FAAH2: variants seen among roughly 807,000 people sequenced by gnomAD.
The protein encoded by FAAH2 is fatty acid amide hydrolase 2.
FAAH2 carries 60 observed loss-of-function variants against 36.9 expected under a neutral mutation model. The observed-to-expected ratio is 1.63, with a 90% CI of 1.32 to 2.02. The LOEUF is 2.02. Among genes scored for constraint, FAAH2 ranks in the 30% most tolerant of loss-of-function variants. The probability of loss-of-function intolerance (pLI) is 0.00; values close to 1 mark genes in which losing one functional copy is unlikely to be tolerated. For missense variants in FAAH2, 689 were observed against 397.5 expected, an observed-to-expected ratio of 1.73 and a Z score of -6.23; for synonymous variants, 214 against 143.8, an observed-to-expected ratio of 1.49 and a Z score of -3.49.
chrX:57,320,292 A>G (rs1432774358), intron 3 of FAAH2, among the ~76,000 whole-genome samples: 2 of 112,239 alleles, frequency 1.8e-5, no homozygotes, highest in Non-Finnish European at 3.8e-5. Flanking sequence ...TAATATCCAG[A>G]ATCTACAAGA....
the FAAH2 span, among the ~76,000 whole-genome samples, chrX:57,152,914 C>CCT: frequency 2.7e-5 from 3 of 110,211 alleles, no homozygotes; most frequent in Admixed American, 9.6e-5. Context: ...CTTGGCTCCC[C>CCT]CCCCGCTGAC....
chrX:57,452,194 G>A (rs769029343), intron 10 of FAAH2: 1,321 of 752,864 alleles, frequency 1.8e-3, no homozygotes, highest in Non-Finnish European at 2.0e-3. Flanking sequence ...TGGCCATACA[G>A]CATTTTAAAG....
At chrX:57,324,558 T>G (rs370736760) in intron 3 of FAAH2, among the ~76,000 whole-genome samples, 4 of 111,731 alleles carry the variant, frequency 3.6e-5, no homozygotes, top group Non-Finnish European at 7.5e-5. Flanking sequence ...TCCTTCACAT[T>G]CCTTGTAAGT....
chrX:57,395,215 T>G (rs1212278616), intron 7 of FAAH2: 3 of 560,280 alleles, frequency 5.4e-6, no homozygotes, highest in Non-Finnish European at 9.5e-6. Context: ...GTCAGTGGCT[T>G]TCATCCCAAT....
the FAAH2 span, among the ~76,000 whole-genome samples, chrX:57,126,052 G>A: frequency 8.9e-6 from 1 of 112,160 alleles, no homozygotes; most frequent in African/African-American, 3.2e-5. Flanking sequence ...GTTTAAAAAA[G>A]AGGCCAGACA....
chrX:57,319,276 C>T (rs5914080), intron 3 of FAAH2, among the ~76,000 whole-genome samples: 1 of 110,484 alleles, frequency 9.1e-6, no homozygotes, highest in Non-Finnish European at 1.9e-5. Context: ...AAAACCCCAT[C>T]GTCTCAGCCC....
At chrX:57,356,013 T>C (rs1205356206) in intron 5 of FAAH2, among the ~76,000 whole-genome samples, 5 of 111,444 alleles carry the variant, frequency 4.5e-5, no homozygotes, top group African/African-American at 1.6e-4. Flanking sequence ...TTGTTTCATA[T>C]GATTTTCTGC....
At chrX:57,235,356 C>T in the FAAH2 span, among the ~76,000 whole-genome samples, 1 of 111,503 alleles carries the variant, frequency 9.0e-6, no homozygotes, top group East Asian at 2.8e-4. Context: ...CATGACTTAT[C>T]CCTTTCCTGG....
intron 5 of FAAH2, among the ~76,000 whole-genome samples, chrX:57,370,279 T>A (rs778799217): frequency 9.0e-6 from 1 of 111,422 alleles, no homozygotes; most frequent in African/African-American, 3.3e-5. Context: ...GATAAAAAAA[T>A]ATAACCCAGA....
At chrX:57,391,052 A>G (rs1307625173) in intron 7 of FAAH2, among the ~76,000 whole-genome samples, 1 of 111,584 alleles carries the variant, frequency 9.0e-6, no homozygotes, top group Non-Finnish European at 1.9e-5. Context: ...TGTGGTTTTA[A>G]TTTACATTTC....
At chrX:57,148,992 C>T in the FAAH2 span, among the ~76,000 whole-genome samples, 1 of 111,627 alleles carries the variant, frequency 9.0e-6, no homozygotes, top group Non-Finnish European at 1.9e-5. Flanking sequence ...TTGTCAAAGG[C>T]CTTTTCTGCA....
chrX:57,422,405 C>A (rs2163537), intron 7 of FAAH2, among the ~76,000 whole-genome samples: 2 of 111,036 alleles, frequency 1.8e-5, no homozygotes, highest in African/African-American at 6.5e-5. Context: ...GTTTTAGTTG[C>A]TTCTATTTAT....
intron 3 of FAAH2, among the ~76,000 whole-genome samples, chrX:57,328,609 T>C (rs2146986592): frequency 8.9e-6 from 1 of 111,830 alleles, no homozygotes; most frequent in Admixed American, 9.5e-5. Flanking sequence ...AACTAGTGTG[T>C]TTGTGTGGAG....
the FAAH2 span, among the ~76,000 whole-genome samples, chrX:57,250,313 A>G: frequency 8.9e-5 from 10 of 111,964 alleles, no homozygotes; most frequent in Admixed American, 1.9e-4. Flanking sequence ...AAAATAAATT[A>G]AGAAAACCAT....
intron 7 of FAAH2, among the ~76,000 whole-genome samples, chrX:57,420,906 A>T (rs1471750279): frequency 2.7e-5 from 3 of 111,881 alleles, no homozygotes; most frequent in African/African-American, 9.7e-5. Context: ...TCAGTACCTA[A>T]TTCATTGAGA....
the FAAH2 span, among the ~76,000 whole-genome samples, chrX:57,176,671 A>AT: frequency 2.7e-5 from 3 of 111,469 alleles, no homozygotes; most frequent in East Asian, 2.8e-4. Context: ...TGTCAGAATT[A>AT]TTTTTTTGGT....
At chrX:57,358,337 G>A (rs1189902834) in intron 5 of FAAH2, among the ~76,000 whole-genome samples, 1 of 110,317 alleles carries the variant, frequency 9.1e-6, no homozygotes, top group Non-Finnish European at 1.9e-5. Flanking sequence ...TATATCACAT[G>A]AATAGCAATT....
chrX:57,275,703 G>A, the FAAH2 span, among the ~76,000 whole-genome samples: 2 of 109,032 alleles, frequency 1.8e-5, no homozygotes, highest in African/African-American at 3.4e-5. Flanking sequence ...ACACAGATAG[G>A]CTCAAAATAA....
chrX:57,433,382 A>G (rs1430964952), intron 8 of FAAH2, among the ~76,000 whole-genome samples: 16 of 111,717 alleles, frequency 1.4e-4, no homozygotes, highest in Admixed American at 1.3e-3. Context: ...CTCATTAATA[A>G]TCACTTAAAA....
Sources: gnomAD v4.1 joint callset for allele counts (sites outside exome capture counted in the v4.1 genomes callset) on GRCh38, gnomAD v4.1.1 for gene constraint, MANE v1.5 for transcripts, NCBI Gene and HGNC (gene_info 2026-07-23, HGNC 2026-07-21) for gene names.